SFMBT2: variants seen among roughly 807,000 people sequenced by gnomAD.
SFMBT2 encodes Scm like with four mbt domains 2, also known as scm-like with four MBT domains protein 2.
A neutral mutation model predicts 110.1 loss-of-function variants in SFMBT2; 38 were observed. The observed-to-expected ratio is 0.35, with a 90% CI of 0.27 to 0.45. The LOEUF is 0.45. Ranked by LOEUF, SFMBT2 falls within the 20% of genes least tolerant of loss-of-function variation. The pLI is 1.00. For synonymous variants in SFMBT2, 425 were observed against 425.4 expected (o/e 1.00, Z 0.01); for missense variants, 1,011 against 1,094.9 (o/e 0.92, Z 1.08).
chr10:7,193,698 C>G (rs1004766208), intron 15 of SFMBT2, among the ~76,000 whole-genome samples: 2 of 152,216 alleles, frequency 1.3e-5, no homozygotes, highest in African/African-American at 4.8e-5. Context: ...TTTGCTTTCT[C>G]TTTCACACAC....
chr10:7,179,401 A>AC (rs1838173513), intron 16 of SFMBT2, among the ~76,000 whole-genome samples: 1 of 150,600 alleles, frequency 6.6e-6, no homozygotes, highest in Admixed American at 6.6e-5. Flanking sequence ...GAAAAAAAAA[A>AC]AAAAAAAAAA....
intron 1 of SFMBT2, among the ~76,000 whole-genome samples, 45 bp downstream of exon 1, chr10:7,410,816 C>T (rs1459303869): frequency 2.0e-5 from 3 of 151,626 alleles, no homozygotes; most frequent in African/African-American, 4.8e-5. Context: ...GGCTGCTCTC[C>T]GGCCAGCCTG....
chr10:7,203,200 G>T (rs1839014463), intron 12 of SFMBT2: 1 of 820,108 alleles, frequency 1.2e-6, no homozygotes, highest in South Asian at 5.6e-5. Flanking sequence ...AAAGCTGCTA[G>T]AGTCTGGCAG....
At chr10:7,203,977 A>G (rs1839042957) in intron 12 of SFMBT2, 1 of 211,466 alleles carries the variant, frequency 4.7e-6, no homozygotes, top group Non-Finnish European at 8.2e-6. Flanking sequence ...TCGGCCTCCC[A>G]AAGTGCTGAG....
intron 20 of SFMBT2, 142 bp from the exon 21 acceptor site, chr10:7,164,052 T>C (rs1438776811): frequency 6.5e-5 from 89 of 1,378,772 alleles, no homozygotes; most frequent in Non-Finnish European, 8.1e-5. Context: ...TTGGTAGAGA[T>C]ACCAGCCCGG....
At chr10:7,210,114 C>G (rs1588341502) in intron 11 of SFMBT2, among the ~76,000 whole-genome samples, 1 of 152,186 alleles carries the variant, frequency 6.6e-6, no homozygotes, top group African/African-American at 2.4e-5. Flanking sequence ...CAGCTTGCTA[C>G]CCCCTTGTCC....
intron 4 of SFMBT2, among the ~76,000 whole-genome samples, chr10:7,346,054 C>T (rs1024027836): frequency 2.0e-5 from 3 of 152,094 alleles, no homozygotes; most frequent in Non-Finnish European, 2.9e-5. Flanking sequence ...TCGCCCTCAC[C>T]CCCCCGAAAT....
chr10:7,212,567 T>G (rs1283371989), intron 11 of SFMBT2, among the ~76,000 whole-genome samples: 1 of 152,212 alleles, frequency 6.6e-6, no homozygotes, highest in Non-Finnish European at 1.5e-5. Context: ...AATAATACTA[T>G]CAGCAACCTC....
At chr10:7,404,606 T>C (rs1846164428) in intron 1 of SFMBT2, among the ~76,000 whole-genome samples, 1 of 152,198 alleles carries the variant, frequency 6.6e-6, no homozygotes, top group Non-Finnish European at 1.5e-5. Context: ...AAATGTGTCA[T>C]TTTTGCTTTT....
chr10:7,246,143 G>C (rs1840601142), intron 8 of SFMBT2: 1 of 984,804 alleles, frequency 1.0e-6, no homozygotes, highest in African/African-American at 1.7e-5. Context: ...AATAAGAGGA[G>C]GGGTGTATAC....
chr10:7,263,529 A>G (rs936866839), intron 7 of SFMBT2, among the ~76,000 whole-genome samples: 2 of 152,214 alleles, frequency 1.3e-5, no homozygotes, highest in Non-Finnish European at 2.9e-5. Flanking sequence ...GGTGTGAGCC[A>G]CCGTGCCCGG....
At position 7,226,888 on chromosome 10, in the gene SFMBT2, C is replaced by A. The variant is rs369815828; in HGVS notation, c.1203+967G>T. Among the ~76,000 whole-genome samples, 45 of 152,294 alleles carry A rather than the reference C, an allele frequency of 3.0e-4. 2 individuals carry two copies. In the South Asian group the frequency reaches 8.7e-3, roughly 29 times the overall value. ...AGAGCTGTATGTAGTATAGGCTATA[C>A]CATCTAGGCCTGTGTAGGTACAAGG... is the stretch of plus-strand genomic sequence containing the variant. On this transcript the variant is annotated intron_variant, in intron 10 of 20. Coordinates refer to ENST00000397167, the MANE Select transcript of SFMBT2 (RefSeq NM_001387889.1).
At chr10:7,305,070 A>G (rs906088412) in intron 4 of SFMBT2, among the ~76,000 whole-genome samples, 3 of 152,228 alleles carry the variant, frequency 2.0e-5, no homozygotes, top group Admixed American at 1.3e-4. Context: ...GTTCATTAGT[A>G]AAGTATTAAA....
intron 2 of SFMBT2, among the ~76,000 whole-genome samples, chr10:7,381,259 A>G (rs956420114): frequency 6.6e-6 from 1 of 152,154 alleles, no homozygotes; most frequent in African/African-American, 2.4e-5. Flanking sequence ...TGTGCTCAAC[A>G]TATTAGATGC....
intron 9 of SFMBT2, among the ~76,000 whole-genome samples, chr10:7,230,018 TA>T (rs1840069957): frequency 4.9e-5 from 1 of 20,558 alleles, no homozygotes; most frequent in African/African-American, 2.5e-4. Context: ...CGCCCAGCCC[TA>T]TATATATATA....
At chr10:7,221,477 A>G (rs540252866) in intron 10 of SFMBT2, among the ~76,000 whole-genome samples, 1 of 151,388 alleles carries the variant, frequency 6.6e-6, no homozygotes, top group Non-Finnish European at 1.5e-5. Context: ...GAGGCAAGAG[A>G]CTCACTGGAA....
At chr10:7,335,589 AC>A in intron 4 of SFMBT2, among the ~76,000 whole-genome samples, 1 of 144,240 alleles carries the variant, frequency 6.9e-6, no homozygotes, top group African/African-American at 2.8e-5. Flanking sequence ...AGAAACACAC[AC>A]ACACACACAC....
rs146128648 is a variant in SFMBT2, at chr10:7,364,740, T to C, written c.436+2909A>G. The stretch of plus-strand genomic sequence containing the variant: ...GGGCCTGAGGCTCCCACCCACTCTA[T>C]GTGCCCCCTCTGTGTGCCCTTCTCT... On this transcript the variant is annotated intron_variant, in intron 4 of 20. Coordinates refer to ENST00000397167, the MANE Select transcript of SFMBT2 (RefSeq NM_001387889.1). Among the ~76,000 whole-genome samples the C allele has an allele frequency of 2.0e-4, 31 of 152,342 alleles. No homozygotes were observed. The East Asian group carries it at 5.8e-3, about 28-fold the overall frequency.
chr10:7,337,656 C>T (rs751492529), intron 4 of SFMBT2, among the ~76,000 whole-genome samples: 3 of 152,104 alleles, frequency 2.0e-5, no homozygotes, highest in Non-Finnish European at 2.9e-5. Flanking sequence ...CCTGTGGAAT[C>T]GTGAGCCAAT....
Sources: allele counts gnomAD v4.1 joint callset (sites outside exome capture counted in the v4.1 genomes callset), GRCh38; gene constraint gnomAD v4.1.1; transcripts MANE v1.5; gene names NCBI Gene and HGNC (gene_info 2026-07-23, HGNC 2026-07-21).